The following KATNIP variants were observed in gnomAD, a reference collection of about 807,000 sequenced individuals.
KATNIP encodes the protein katanin interacting protein, also known as katanin-interacting protein.
A neutral mutation model predicts 174.0 loss-of-function variants in KATNIP; 126 were observed. That is an observed-to-expected ratio of 0.72 (90% confidence interval 0.63 to 0.84). The LOEUF (loss-of-function observed/expected upper bound fraction) is 0.84. KATNIP is among the 40% of genes least tolerant of loss of function. KATNIP has a pLI of 0.00. For synonymous variants in KATNIP, 810 were observed against 835.7 expected (o/e 0.97, Z 0.53); for missense variants, 1,958 against 2,109.7 (o/e 0.93, Z 1.41).
chr16:27,726,004 A>T (rs1053799030), intron 14 of KATNIP, among the ~76,000 whole-genome samples: 9 of 152,076 alleles, frequency 5.9e-5, no homozygotes, highest in Admixed American at 5.9e-4. Flanking sequence ...CAGGCCACAG[A>T]CCAGTACCAG....
intron 14 of KATNIP, chr16:27,727,165 G>T: frequency 5.5e-6 from 1 of 182,930 alleles, no homozygotes; most frequent in Non-Finnish European, 1.2e-5. Flanking sequence ...GCAGGGTGAT[G>T]TGATCTGATG....
At chr16:27,567,664 C>T (rs2090140247) in intron 1 of KATNIP, among the ~76,000 whole-genome samples, 1 of 152,226 alleles carries the variant, frequency 6.6e-6, no homozygotes, top group Non-Finnish European at 1.5e-5. Context: ...GCTGGCATTA[C>T]AGGCACCTGC....
At chr16:27,678,084 C>A in intron 7 of KATNIP, 88 bp downstream of exon 7, 1 of 1,453,418 alleles carries the variant, frequency 6.9e-7, no homozygotes, top group Non-Finnish European at 9.5e-7. Flanking sequence ...CCTTTGAGTT[C>A]CTCTTTGGGT....
chr16:27,550,323 T>A, intron 1 of KATNIP, 146 bp downstream of exon 1: 1 of 912,540 alleles, frequency 1.1e-6, no homozygotes, highest in African/African-American at 1.7e-5. Flanking sequence ...ATAGGGAGGC[T>A]TAGTGGTCTG....
intron 12 of KATNIP, among the ~76,000 whole-genome samples, chr16:27,706,832 C>G (rs1225965882): frequency 1.3e-5 from 2 of 152,310 alleles, no homozygotes; most frequent in Non-Finnish European, 2.9e-5. Context: ...CTCACCTGGC[C>G]CTGGATTGCT....
intron 7 of KATNIP, chr16:27,681,183 T>C (rs2078323670): frequency 1.8e-6 from 1 of 570,906 alleles, no homozygotes; most frequent in Admixed American, 2.7e-5. Flanking sequence ...TAGAATCTTT[T>C]ATGTACTTAC....
intron 14 of KATNIP, among the ~76,000 whole-genome samples, chr16:27,734,541 A>C (rs1445537844): frequency 6.6e-6 from 1 of 152,056 alleles, no homozygotes; most frequent in Non-Finnish European, 1.5e-5. Flanking sequence ...TCTACTAAAA[A>C]TACAAAAAAT....
chr16:27,580,310 G>A (rs1241467370), intron 2 of KATNIP, among the ~76,000 whole-genome samples: 1 of 152,062 alleles, frequency 6.6e-6, no homozygotes, highest in Non-Finnish European at 1.5e-5. Context: ...ACAGGGTTTT[G>A]CCGTGTTGCC....
intron 20 of KATNIP, among the ~76,000 whole-genome samples, chr16:27,768,589 A>C (rs1317153962): frequency 6.6e-6 from 1 of 152,162 alleles, no homozygotes; most frequent in African/African-American, 2.4e-5. Flanking sequence ...AAACCCCAGG[A>C]GTCATGCTGA....
chr16:27,763,606 C>A (rs534063255), intron 19 of KATNIP, among the ~76,000 whole-genome samples: 2 of 146,682 alleles, frequency 1.4e-5, no homozygotes, highest in Non-Finnish European at 3.0e-5. Flanking sequence ...CAGAGCGGGA[C>A]CCTGTCTCAA....
At chr16:27,628,135 A>G (rs2076385413) in intron 3 of KATNIP, among the ~76,000 whole-genome samples, 1 of 152,236 alleles carries the variant, frequency 6.6e-6, no homozygotes, top group African/African-American at 2.4e-5. Flanking sequence ...TTGAGAACAC[A>G]TCTATTCACT....
At chr16:27,554,009 AGAAG>A (rs1471603257) in intron 1 of KATNIP, among the ~76,000 whole-genome samples, 2 of 145,878 alleles carry the variant, frequency 1.4e-5, no homozygotes, top group Non-Finnish European at 3.0e-5. Flanking sequence ...AAGGAAGGAA[AGAAG>A]GGAGGGAGAG....
chr16:27,585,396 T>C (rs1458989592), intron 2 of KATNIP, among the ~76,000 whole-genome samples: 1 of 152,170 alleles, frequency 6.6e-6, no homozygotes, highest in East Asian at 1.9e-4. Context: ...ATAGCTACCA[T>C]ACGATCCAGC....
At chr16:27,699,317 G>A (rs538596332) in intron 9 of KATNIP, among the ~76,000 whole-genome samples, 3 of 152,284 alleles carry the variant, frequency 2.0e-5, no homozygotes, top group East Asian at 3.9e-4. Flanking sequence ...CACCAGCACC[G>A]GTTGTTCCCC....
Position 27,769,900 on chromosome 16 carries a change from T to C in KATNIP, c.4015T>C (p.Ser1339Pro), listed in dbSNP as rs752085814. Reference sequence around the variant, plus strand: ...CGTCTCCCTGGATGGCCTGTGCGTCTCCCCGCCAGAGGGCTTTCTCATCCG... The same window carrying C: ...CGTCTCCCTGGATGGCCTGTGCGTCCCCCCGCCAGAGGGCTTTCTCATCCG... The part of the protein sequence containing the change: ...VHVSLDGLCV[S>P]PPEGFLIRKG... The change falls in exon 21 of 28, where the codon TCC becomes CCC. Residue 1339 changes from serine (S) to proline (P), a missense_variant. Physicochemically the swap from Ser to Pro is moderately conservative, Grantham distance 74 (BLOSUM62 -1). Around this residue, in one of 3 missense-constraint regions of KATNIP, gnomAD observed 383 missense variants for 456.0 expected, o/e 0.84. Transcript: ENST00000261588. 19 of 1,614,116 alleles carry C rather than the reference T, an allele frequency of 1.2e-5. No homozygotes were observed. The highest frequency in any genetic ancestry group is 3.3e-5 in the Admixed American group (2 of 60,012).
chr16:27,570,153 G>A (rs2090234728), intron 1 of KATNIP, among the ~76,000 whole-genome samples: 3 of 152,184 alleles, frequency 2.0e-5, no homozygotes, highest in Admixed American at 2.0e-4. Context: ...GTTAATAAGA[G>A]TGAGGTCTGG....
rs768144467 is a variant in KATNIP at position 27,750,071 on chromosome 16, G to A, written c.3111G>A (p.Gly1037=). 9.3e-6 allele frequency: 15 copies of A among 1,614,104 alleles called. No homozygotes were observed. In the South Asian group the frequency reaches 1.5e-4, roughly 17 times the overall value. ...DPRVVTNLID[G]VNRTQDDMHV... The stretch of plus-strand genomic sequence containing the variant: ...GCGTGGTCACCAACCTCATCGACGG[G>A]GTGAACAGGACCCAGGATGACATGC... Residue 1037 remains glycine (G), a synonymous_variant, in exon 16 of 28, where the codon GGG becomes GGA. Coordinates refer to ENST00000261588, the MANE Select transcript of KATNIP (RefSeq NM_015202.5).
intron 5 of KATNIP, 107 bp from the exon 6 acceptor site, chr16:27,648,497 T>C (rs1332805189): frequency 1.3e-5 from 17 of 1,335,324 alleles, no homozygotes; most frequent in Non-Finnish European, 1.7e-5. Flanking sequence ...CCCCATGGTA[T>C]CTATGCCCAT....
chr16:27,763,441 TAAAAAAAAAAAAA>T (rs35206356), intron 19 of KATNIP, among the ~76,000 whole-genome samples: 1 of 68,186 alleles, frequency 1.5e-5, no homozygotes, highest in Non-Finnish European at 2.7e-5. Context: ...ATTGTGTCTC[TAAAAAAAAAAAAA>T]AAAAAAAAAA....
Sources: allele counts gnomAD v4.1 joint callset (sites outside exome capture counted in the v4.1 genomes callset), GRCh38; gene constraint gnomAD v4.1.1; regional missense constraint gnomAD v4.1.1; transcripts MANE v1.5; gene names NCBI Gene and HGNC (gene_info 2026-07-23, HGNC 2026-07-21).